The following STK39 variants were observed in gnomAD, a reference collection of about 807,000 sequenced individuals.
The protein encoded by STK39 is STE20/SPS1-related proline-alanine-rich protein kinase.
STK39 carries 20 observed loss-of-function variants against 77.8 expected under a neutral mutation model. That is an observed-to-expected ratio of 0.26 (90% CI 0.18 to 0.37). STK39 has a LOEUF of 0.37. STK39 is among the 10% of genes least tolerant of loss of function. The pLI is 1.00. For synonymous variants in STK39, 246 were observed against 234.1 expected (o/e 1.05, Z -0.47); for missense variants, 479 against 656.5 (o/e 0.73, Z 2.95).
chr2:168,133,000 G>A (rs779478835), intron 8 of STK39, among the ~76,000 whole-genome samples: 1 of 152,196 alleles, frequency 6.6e-6, no homozygotes, highest in South Asian at 2.1e-4. Flanking sequence ...GCGGGGAACA[G>A]GAGAAAGACT....
intron 16 of STK39, among the ~76,000 whole-genome samples, chr2:167,965,458 A>G (rs1692130564): frequency 1.3e-5 from 2 of 152,176 alleles, no homozygotes; most frequent in Admixed American, 6.5e-5. Context: ...TTCACGGTGT[A>G]ATGATCTATC....
intron 14 of STK39, among the ~76,000 whole-genome samples, chr2:168,029,543 G>C (rs940232519): frequency 3.3e-5 from 5 of 152,106 alleles, no homozygotes; most frequent in Non-Finnish European, 5.9e-5. Flanking sequence ...CATTTCTGCT[G>C]GGAGCTGAAA....
intron 16 of STK39, among the ~76,000 whole-genome samples, chr2:167,972,213 C>A (rs1355677838): frequency 2.0e-5 from 3 of 152,172 alleles, no homozygotes; most frequent in Non-Finnish European, 4.4e-5. Context: ...TCTCTCTGTG[C>A]AAACTGGTTT....
chr2:168,167,892 T>A (rs1688728674), intron 2 of STK39, among the ~76,000 whole-genome samples: 1 of 152,098 alleles, frequency 6.6e-6, no homozygotes, highest in Non-Finnish European at 1.5e-5. Context: ...TGATGGTAAA[T>A]GAGAAAATAC....
At chr2:168,051,876 G>A (rs910254294) in intron 14 of STK39, among the ~76,000 whole-genome samples, 1 of 152,086 alleles carries the variant, frequency 6.6e-6, no homozygotes, top group African/African-American at 2.4e-5. Flanking sequence ...AAAATGCCCT[G>A]CCTCAGAGAG....
rs899082185 is a variant in STK39, at chr2:168,218,882, G to A, written c.208+28346C>T. On this transcript the variant is annotated intron_variant, in intron 1 of 17. Transcript: ENST00000355999. ...ACAACCAGCTCCCAACTAGTGGTACGAACCGTGTTAAATCTTACTACATAA... is the reference window on the plus strand; with the variant it reads ...ACAACCAGCTCCCAACTAGTGGTACAAACCGTGTTAAATCTTACTACATAA... 6.6e-4 allele frequency among the ~76,000 whole-genome samples: 100 copies of A among 151,850 alleles called. 1 individual carries two copies. The highest frequency in any genetic ancestry group is 2.3e-3 in the African/African-American group (96 of 41,188).
chr2:168,059,083 A>G (rs539022443), intron 14 of STK39, among the ~76,000 whole-genome samples: 1 of 152,268 alleles, frequency 6.6e-6, no homozygotes, highest in South Asian at 2.1e-4. Flanking sequence ...TTCCTGCTTC[A>G]AACGTTTGCA....
chr2:168,051,479 T>C (rs192620589), intron 14 of STK39, among the ~76,000 whole-genome samples: 19 of 152,254 alleles, frequency 1.2e-4, no homozygotes, highest in African/African-American at 4.6e-4. Context: ...AAAAGGCTCA[T>C]GAGAAAGAAG....
chr2:168,225,510 A>G (rs111331937), intron 1 of STK39, among the ~76,000 whole-genome samples: 3 of 152,156 alleles, frequency 2.0e-5, no homozygotes, highest in Non-Finnish European at 4.4e-5. Context: ...AGACCAGACC[A>G]TATCTCAGGA....
chr2:168,000,160 AG>A (rs1683963633), intron 16 of STK39, among the ~76,000 whole-genome samples: 1 of 152,250 alleles, frequency 6.6e-6, no homozygotes, highest in African/African-American at 2.4e-5. Flanking sequence ...TGGATATTTC[AG>A]ATTATGCCTA....
intron 17 of STK39, 103 bp from the exon 18 acceptor site, chr2:167,955,673 T>G: frequency 1.7e-4 from 176 of 1,057,018 alleles, no homozygotes; most frequent in Non-Finnish European, 2.2e-4. Flanking sequence ...ACAGTTGGTA[T>G]GGGACCATGT....
intron 16 of STK39, among the ~76,000 whole-genome samples, chr2:167,975,649 A>G (rs1297366289): frequency 3.9e-5 from 6 of 152,160 alleles, no homozygotes; most frequent in Admixed American, 1.3e-4. Context: ...CCCCGTCTCT[A>G]CTAAAACACA....
intron 10 of STK39, among the ~76,000 whole-genome samples, chr2:168,104,675 G>GA (rs956453672): frequency 2.6e-5 from 4 of 152,156 alleles, no homozygotes; most frequent in Non-Finnish European, 5.9e-5. Context: ...CATTGTAGCT[G>GA]AAGCTTACCA....
chr2:168,163,557 G>A, intron 4 of STK39, 182 bp downstream of exon 4: 4 of 974,564 alleles, frequency 4.1e-6, no homozygotes, highest in Non-Finnish European at 4.9e-6. Context: ...ATACCTGCCT[G>A]CAACATGTGT....
intron 17 of STK39, among the ~76,000 whole-genome samples, chr2:167,960,014 C>T (rs1691905372): frequency 6.6e-6 from 1 of 152,180 alleles, no homozygotes; most frequent in Non-Finnish European, 1.5e-5. Flanking sequence ...AAGTTCAGAA[C>T]ACGCTACCCC....
intron 10 of STK39, among the ~76,000 whole-genome samples, chr2:168,125,499 C>T (rs188152042): frequency 2.0e-5 from 3 of 152,274 alleles, no homozygotes; most frequent in East Asian, 1.9e-4. Flanking sequence ...TGGGTCATTA[C>T]TAGCATGTTC....
chr2:167,982,923 C>A (rs1172473512), intron 16 of STK39, among the ~76,000 whole-genome samples: 1 of 152,170 alleles, frequency 6.6e-6, no homozygotes, highest in African/African-American at 2.4e-5. Context: ...TTTAAAAATT[C>A]TTTCCCTTCT....
At chr2:168,213,224 G>C (rs565592380) in intron 1 of STK39, among the ~76,000 whole-genome samples, 87 of 152,276 alleles carry the variant, frequency 5.7e-4, no homozygotes, top group African/African-American at 2.1e-3. Context: ...GAAATACTAA[G>C]TGCTAGAGCA....
chr2:168,247,534 G>T lies in STK39; in HGVS notation c.-99C>A. Reference sequence around the variant, plus strand: ...CGCCGACACCTCTCGGCCGGCGCACGCCCTCCCCGCCCGCCGCCGCCGCCG... The same window carrying T: ...CGCCGACACCTCTCGGCCGGCGCACTCCCTCCCCGCCCGCCGCCGCCGCCG... On this transcript the variant is annotated 5_prime_UTR_variant, in exon 1 of 18. Coordinates refer to ENST00000355999, the MANE Select transcript of STK39 (RefSeq NM_013233.3). 2 of 474,742 alleles carry T rather than the reference G, an allele frequency of 4.2e-6. No individual in the cohort carries two copies. The highest frequency in any genetic ancestry group is 5.4e-6 in the Non-Finnish European group (2 of 368,954). The allele number at this position is 474,742 out of a possible 1,614,324, so 29.4% of individuals were successfully genotyped here. A position where few individuals can be genotyped will look rare whatever the true frequency, so the allele number is the denominator to read the frequency against.
Sources: gnomAD v4.1 joint callset for allele counts (sites outside exome capture counted in the v4.1 genomes callset) on GRCh38, gnomAD v4.1.1 for gene constraint, MANE v1.5 for transcripts, NCBI Gene and HGNC (gene_info 2026-07-23, HGNC 2026-07-21) for gene names.